Variants in SPEN observed in about 807,000 individuals in gnomAD.
The protein encoded by SPEN is msx2-interacting protein.
A neutral mutation model predicts 269.9 loss-of-function variants in SPEN; 18 were observed. The observed-to-expected ratio is 0.07, with a 90% CI of 0.05 to 0.10. SPEN has a LOEUF of 0.10. Among genes scored for constraint, SPEN ranks in the 10% least tolerant of loss-of-function variants. The pLI is 1.00. For missense variants in SPEN, 3,822 were observed against 4,631.2 expected, an observed-to-expected ratio of 0.83 and a Z score of 5.07; for synonymous variants, 1,726 against 1,765.7, an observed-to-expected ratio of 0.98 and a Z score of 0.56.
intron 8 of SPEN, among the ~76,000 whole-genome samples, chr1:15,920,453 T>G (rs183012024): frequency 6.6e-6 from 1 of 152,254 alleles, no homozygotes; most frequent in Non-Finnish European, 1.5e-5. Context: ...AAGACAGTTA[T>G]GCTACTTGTA....
In SPEN at chr1:15,855,986, A is replaced by AG. The variant is rs1356602432; in HGVS notation, c.83+7837dup. On this transcript the variant is annotated intron_variant, in intron 1 of 14. Coordinates refer to ENST00000375759, the MANE Select transcript of SPEN (RefSeq NM_015001.3). ...TACTTTATTGTGTGAAAAGGATGCT[A>AG]GAACTTTTTTTTTTTTTTTTTTTTG... Among the ~76,000 whole-genome samples, 11 of 126,652 alleles carry AG rather than the reference A, an allele frequency of 8.7e-5. No individual in the cohort carries two copies. In the Admixed American group the frequency reaches 1.0e-3, roughly 12 times the overall value. 83.1% of individuals were successfully genotyped at this position (126,652 alleles called of 152,430 possible).
rs2071210649 is a variant in SPEN at position 15,930,489 on chromosome 1, G to C, written c.4249G>C (p.Glu1417Gln). ...LLRDREDKLRERDERLSSSLE... is the reference protein window; with the variant it reads ...LLRDREDKLRQRDERLSSSLE... ...GAGGGACAGAGAAGACAAGCTACGT[G>C]AGCGAGATGAAAGACTCTCTAGTTC... The change falls in exon 11 of 15, where the codon GAG becomes CAG. Residue 1417 changes from glutamate (E) to glutamine (Q), a missense_variant. Around this residue, in one of 16 missense-constraint regions of SPEN, gnomAD observed 267 missense variants for 315.5 expected, o/e 0.85. Transcript: ENST00000375759. The surrounding 1 kb of genome is among the most constrained non-coding windows in gnomAD (Gnocchi z 5.3). 1 of 1,614,060 alleles carries C rather than the reference G, an allele frequency of 6.2e-7. No homozygotes were observed. Among genetic ancestry groups the C allele is most frequent in the South Asian group, 1.1e-5 (1 of 91,084 alleles).
chr1:15,929,137 C>G lies in SPEN; in HGVS notation c.2897C>G (p.Pro966Arg). 5 of 1,614,182 alleles carry G rather than the reference C, an allele frequency of 3.1e-6. No homozygotes were observed. Among genetic ancestry groups the G allele is most frequent in the Non-Finnish European group, 4.2e-6 (5 of 1,180,022 alleles). Residue 966 changes from proline to arginine, a missense_variant, in exon 11 of 15, where the codon CCT (proline) becomes CGT (arginine). Pro to Arg is a moderately radical substitution (Grantham distance 103). Transcript: ENST00000375759. This position sits in a 1 kb window ranked among gnomAD's most constrained non-coding sequence, Gnocchi z 5.8. Reference protein sequence around the residue: ...GRLKARKHLKPEQPADGVSAV... With the variant: ...GRLKARKHLKREQPADGVSAV... The stretch of plus-strand genomic sequence containing the variant: ...CTTAAAGCCAGGAAGCACCTCAAGC[C>G]TGAGCAGCCTGCAGATGGGGTAAGT...
Position 15,933,789 on chromosome 1 carries a change from G to T in SPEN, c.7549G>T (p.Ala2517Ser). 1 of 1,613,488 alleles carries T rather than the reference G, an allele frequency of 6.2e-7. No homozygotes were observed. Among genetic ancestry groups the T allele is most frequent in the Non-Finnish European group, 8.5e-7 (1 of 1,180,018 alleles). The change falls in exon 11 of 15, where the codon GCT becomes TCT. Residue 2517 changes from alanine to serine, a missense_variant. By Grantham distance (99) the Ala-to-Ser change is moderately conservative (BLOSUM62 1). This residue lies in a region of SPEN where 727 missense variants were observed against 737.9 expected (regional missense o/e 0.99). Coordinates refer to ENST00000375759, the MANE Select transcript of SPEN (RefSeq NM_015001.3). This position sits in a 1 kb window ranked among gnomAD's most constrained non-coding sequence, Gnocchi z 5.7. The stretch of plus-strand genomic sequence containing the variant: ...ACGGGCTCAGTCTACTCCATCTCCA[G>T]CTCTTCCCCCAGACACAAAGGCCTC... ...EPRAQSTPSP[A>S]LPPDTKASDV...
At chr1:15,909,509 T>A (rs1326283339) in intron 4 of SPEN, 28 bp downstream of exon 4, 1 of 1,606,800 alleles carries the variant, frequency 6.2e-7, no homozygotes, top group Non-Finnish European at 8.5e-7. Context: ...TGTCCTTTCC[T>A]CTGTGCTACT....
intron 3 of SPEN, among the ~76,000 whole-genome samples, chr1:15,904,087 T>TA (rs542268528): frequency 9.8e-5 from 15 of 152,324 alleles, no homozygotes; most frequent in Admixed American, 5.2e-4. Context: ...GTCAATTTAG[T>TA]AAGACTGAAA....
rs1265885805 is a variant in SPEN, at chr1:15,932,936, C to T, written c.6696C>T (p.Asn2232=). 1.2e-6 allele frequency: 2 copies of T among 1,614,264 alleles called. No homozygotes were observed. Among genetic ancestry groups the T allele is most frequent in the Non-Finnish European group, 1.7e-6 (2 of 1,180,050 alleles). Reference sequence around the variant, plus strand: ...ATGACATTTCTGGGGAGCCAGAAAACTTCCCAGCACCTCCACCTTATCCTG... The same window carrying T: ...ATGACATTTCTGGGGAGCCAGAAAATTTCCCAGCACCTCCACCTTATCCTG... The part of the protein sequence containing the change: ...IINDISGEPE[N]FPAPPPYPGE... The change falls in exon 11 of 15, where the codon AAC becomes AAT. Residue 2232 remains asparagine (N), a synonymous_variant. Transcript: ENST00000375759. The surrounding 1 kb of genome is among the most constrained non-coding windows in gnomAD (Gnocchi z 4.2).
chr1:15,879,905 C>T (rs953836398), intron 3 of SPEN, among the ~76,000 whole-genome samples: 9 of 152,050 alleles, frequency 5.9e-5, no homozygotes, highest in African/African-American at 9.7e-5. Flanking sequence ...CTCCTGACCT[C>T]GCCATCCGCC....
At chr1:15,890,327 G>A (rs1033874951) in intron 3 of SPEN, among the ~76,000 whole-genome samples, 4 of 151,670 alleles carry the variant, frequency 2.6e-5, no homozygotes, top group African/African-American at 9.7e-5. Flanking sequence ...TGCCTCCCGG[G>A]TTCAAGCGAT....
At chr1:15,850,446 G>T (rs1011762728) in intron 1 of SPEN, among the ~76,000 whole-genome samples, 1 of 151,300 alleles carries the variant, frequency 6.6e-6, no homozygotes, top group Non-Finnish European at 1.5e-5. Flanking sequence ...TGTTTAAATA[G>T]ACAGTACATT....
chr1:15,904,841 A>G (rs1268067617), intron 3 of SPEN, among the ~76,000 whole-genome samples: 1 of 151,766 alleles, frequency 6.6e-6, no homozygotes, highest in Admixed American at 6.6e-5. Context: ...TTATTTTTAT[A>G]CTTTATTTTA....
At chr1:15,856,673 T>C (rs2070391418) in intron 1 of SPEN, among the ~76,000 whole-genome samples, 1 of 150,728 alleles carries the variant, frequency 6.6e-6, no homozygotes, top group Non-Finnish European at 1.5e-5. Context: ...GTTCCAGCAA[T>C]TCTCCTGCCT....
rs1374527170 is a variant in SPEN, at chr1:15,936,059, C to T, written c.9819C>T (p.Thr3273=). 1.3e-6 allele frequency: 2 copies of T among 1,592,226 alleles called. No individual in the cohort carries two copies. The highest frequency in any genetic ancestry group is 1.1e-5 in the South Asian group (1 of 88,752). ...PHGEARILTV[T]PSNQLQGLPL... ...GTGAGGCCCGTATCCTCACAGTTAC[C>T]CCCAGTAACCAACTCCAGGGGCTGC... is the stretch of plus-strand genomic sequence containing the variant. Residue 3273 remains threonine (T), a synonymous_variant, in exon 11 of 15, where the codon ACC becomes ACT. Transcript: ENST00000375759.
At chr1:15,886,664 CT>C (rs1328054941) in intron 3 of SPEN, among the ~76,000 whole-genome samples, 1 of 152,164 alleles carries the variant, frequency 6.6e-6, no homozygotes, top group South Asian at 2.1e-4. Context: ...TTAATGGTAA[CT>C]TTTAGTCTTC....
intron 1 of SPEN, among the ~76,000 whole-genome samples, chr1:15,862,086 C>T (rs1212559049): frequency 1.3e-5 from 2 of 151,964 alleles, no homozygotes; most frequent in Admixed American, 1.3e-4. Flanking sequence ...AGTTAGCCAC[C>T]ATTCTTGGCC....
At chr1:15,861,015 C>T (rs757335714) in intron 1 of SPEN, among the ~76,000 whole-genome samples, 1 of 152,012 alleles carries the variant, frequency 6.6e-6, no homozygotes, top group Non-Finnish European at 1.5e-5. Context: ...ATTGATTCTG[C>T]CACCTCAGCC....
intron 1 of SPEN, among the ~76,000 whole-genome samples, chr1:15,860,499 C>T (rs1187952451): frequency 7.0e-6 from 1 of 142,436 alleles, no homozygotes; most frequent in Non-Finnish European, 1.5e-5. Context: ...ACTGTATTGC[C>T]CAGGATGGTC....
intron 3 of SPEN, among the ~76,000 whole-genome samples, chr1:15,902,751 G>C (rs779242812): frequency 3.3e-5 from 5 of 152,128 alleles, no homozygotes; most frequent in African/African-American, 4.8e-5. Flanking sequence ...CTTTTCTTTT[G>C]ACCCCAAATT....
chr1:15,886,749 A>G (rs1417937821), intron 3 of SPEN, among the ~76,000 whole-genome samples: 2 of 152,208 alleles, frequency 1.3e-5, no homozygotes, highest in Non-Finnish European at 2.9e-5. Flanking sequence ...CAACATGGTC[A>G]GCATTTGGTG....
Sources: gnomAD v4.1 joint callset for allele counts (sites outside exome capture counted in the v4.1 genomes callset) on GRCh38, gnomAD v4.1.1 for gene constraint, gnomAD v4.1.1 regional missense constraint, Gnocchi (gnomAD v3.1) non-coding constraint, MANE v1.5 for transcripts, NCBI Gene and HGNC (gene_info 2026-07-23, HGNC 2026-07-21) for gene names.